HMGA1: variants seen among roughly 807,000 people sequenced by gnomAD.
HMGA1 encodes high mobility group protein HMG-I/HMG-Y.
HMGA1 carries 1 observed loss-of-function variant against 15.1 expected under a neutral mutation model. The observed-to-expected ratio is 0.07, with a 90% CI of 0.02 to 0.31. HMGA1 has a LOEUF of 0.31. Ranked by LOEUF, HMGA1 falls within the 10% of genes least tolerant of loss-of-function variation. HMGA1 has a pLI of 1.00. For missense variants in HMGA1, 94 were observed against 141.4 expected (o/e 0.66, Z 1.70); for synonymous variants, 56 against 54.8 (o/e 1.02, Z -0.10).
At chr6:34,242,233 G>GT (rs1477796075) in intron 3 of HMGA1, among the ~76,000 whole-genome samples, 3 of 152,212 alleles carry the variant, frequency 2.0e-5, no homozygotes, top group Non-Finnish European at 4.4e-5. Context: ...CAGGCAGGGA[G>GT]TGTGTGTCCA....
Position 34,244,865 on chromosome 6 carries a change from C to T in HMGA1, c.305C>T (p.Ser102Phe). The T allele has an allele frequency of 6.4e-7, 1 of 1,566,496 alleles. No individual in the cohort carries two copies. Among genetic ancestry groups the T allele is most frequent in the Non-Finnish European group, 8.7e-7 (1 of 1,155,764 alleles). ...KEEEEGISQE[S>F]SEEEQ ...GAAGAGGAGGGCATCTCGCAGGAGT[C>T]CTCGGAGGAGGAGCAGTGACCCATG... Residue 102 changes from serine (S) to phenylalanine (F), a missense_variant, in exon 6 of 6, where the codon TCC (serine) becomes TTC (phenylalanine). Coordinates refer to ENST00000311487, the MANE Select transcript of HMGA1 (RefSeq NM_145899.3).
intron 2 of HMGA1, among the ~76,000 whole-genome samples, chr6:34,239,676 G>C (rs1400404952): frequency 3.2e-5 from 4 of 123,428 alleles, no homozygotes; most frequent in African/African-American, 5.5e-5. Flanking sequence ...TCCATCTGTA[G>C]CCTGGGGATA....
intron 5 of HMGA1, 74 bp from the exon 6 acceptor site, chr6:34,244,757 G>A (rs559018363): frequency 4.9e-5 from 62 of 1,262,638 alleles, no homozygotes; most frequent in South Asian, 4.5e-4. Flanking sequence ...TGCAGGGAGC[G>A]GGTGGGGCCA....
At chr6:34,241,027 C>A in intron 3 of HMGA1, 112 bp downstream of exon 3, 1 of 1,271,906 alleles carries the variant, frequency 7.9e-7, no homozygotes, top group Non-Finnish European at 1.1e-6. Flanking sequence ...TGATTCTGCG[C>A]AGTAAGCGTG....
In HMGA1 at chr6:34,245,309, G is replaced by T. The variant is rs1200356634; in HGVS notation, c.*425G>T. The stretch of plus-strand genomic sequence containing the variant: ...GGCTTCCCATAGTGGGGCCTGGGAG[G>T]GTTCCCCTGGCCTTAAAAGGGGCCC... On this transcript the variant is annotated 3_prime_UTR_variant, in exon 6 of 6. Coordinates refer to ENST00000311487, the MANE Select transcript of HMGA1 (RefSeq NM_145899.3). 3 of 1,370,112 alleles carry T rather than the reference G, an allele frequency of 2.2e-6. No homozygotes were observed. In the African/African-American group the frequency reaches 4.3e-5, roughly 20 times the overall value. 84.9% of individuals were successfully genotyped at this position (1,370,112 alleles called of 1,614,324 possible). A position where few individuals can be genotyped will look rare whatever the true frequency, so the allele number is the denominator to read the frequency against.
intron 3 of HMGA1, among the ~76,000 whole-genome samples, chr6:34,241,560 C>T (rs917656331): frequency 6.6e-6 from 1 of 152,218 alleles, no homozygotes; most frequent in African/African-American, 2.4e-5. Flanking sequence ...CCTCAGAACC[C>T]TGGTGCTGCT....
chr6:34,245,175 C>T lies in HMGA1; in HGVS notation c.*291C>T, dbSNP rs1361113836. On this transcript the variant is annotated 3_prime_UTR_variant, in exon 6 of 6. Coordinates refer to ENST00000311487, the MANE Select transcript of HMGA1 (RefSeq NM_145899.3). ...CCTCCTGGACAAGGCTAACATCCCA[C>T]TTAGCCGCACCCTGCACCTGCTGCG... 2.2e-5 allele frequency: 32 copies of T among 1,446,468 alleles called. No homozygotes were observed. Among genetic ancestry groups the T allele is most frequent in the Non-Finnish European group, 2.8e-5 (31 of 1,089,804 alleles). The allele number at this position is 1,446,468 out of a possible 1,614,324, so 89.6% of individuals were successfully genotyped here.
At position 34,240,767 on chromosome 6, in the gene HMGA1, T is replaced by A; in HGVS notation, c.-14T>A. 1 of 1,612,134 alleles carries A rather than the reference T, an allele frequency of 6.2e-7. No individual in the cohort carries two copies. Among genetic ancestry groups the A allele is most frequent in the Non-Finnish European group, 8.5e-7 (1 of 1,179,810 alleles). ...CAGCCATCACTCTTCCACCTGCTCC[T>A]TAGAGAAGGGAAGATGAGTGAGTCG... On this transcript the variant is annotated 5_prime_UTR_variant, in exon 3 of 6. Transcript: ENST00000311487.
At chr6:34,240,955 G>C in intron 3 of HMGA1, 40 bp downstream of exon 3, 1 of 1,612,282 alleles carries the variant, frequency 6.2e-7, no homozygotes, top group East Asian at 2.2e-5. Flanking sequence ...TTTACCCTTT[G>C]GGGCTAGGGA....
At chr6:34,244,778 G>C in intron 5 of HMGA1, 53 bp from the exon 6 acceptor site, 1 of 1,475,280 alleles carries the variant, frequency 6.8e-7, no homozygotes, top group Non-Finnish European at 9.3e-7. Context: ...GCCTCTGGGG[G>C]TGGAAGAGGG....
chr6:34,243,625 G>C (rs1427224086), intron 5 of HMGA1, 107 bp downstream of exon 5: 5 of 899,092 alleles, frequency 5.6e-6, no homozygotes, highest in East Asian at 5.2e-5. Context: ...GGCTCTCCTT[G>C]ACCTGCTGGG....
Position 34,237,220 on chromosome 6 carries a change from AGCGGCGGCC to A in HMGA1, c.-134_-126del, listed in dbSNP as rs1166652289. The A allele has an allele frequency of 1.3e-5, 2 of 148,468 alleles. No individual in the cohort carries two copies. The highest frequency in any genetic ancestry group is 2.1e-4 in the South Asian group (1 of 4,760). The allele number at this position is 148,468 out of a possible 1,614,324, so 9.2% of individuals were successfully genotyped here. ...CGGTTTCAGATCCGCATTTGCTACC[AGCGGCGGCC>A]GCGGCGGAGCCAGGCCGGTCCTCAG... On this transcript the variant is annotated 5_prime_UTR_variant, in exon 2 of 6. Transcript: ENST00000311487.
At chr6:34,237,556 CG>C (rs1183509413) in intron 2 of HMGA1, among the ~76,000 whole-genome samples, 2 of 144,524 alleles carry the variant, frequency 1.4e-5, no homozygotes, top group South Asian at 4.2e-4. Context: ...GGGCGCCCTG[CG>C]GGGGGCGGGG....
intron 3 of HMGA1, among the ~76,000 whole-genome samples, chr6:34,241,330 C>T (rs893314861): frequency 9.2e-5 from 14 of 152,246 alleles, no homozygotes; most frequent in African/African-American, 3.1e-4. Flanking sequence ...ATTCAGTGCA[C>T]GTAAAATGAT....
At chr6:34,241,562 G>A (rs1426521176) in intron 3 of HMGA1, among the ~76,000 whole-genome samples, 1 of 152,196 alleles carries the variant, frequency 6.6e-6, no homozygotes, top group Non-Finnish European at 1.5e-5. Context: ...TCAGAACCCT[G>A]GTGCTGCTCT....
In HMGA1 at chr6:34,243,602, C is replaced by T. The variant is rs1443537098; in HGVS notation, c.270+84C>T. On this transcript the variant is annotated intron_variant, in intron 5 of 5. Transcript: ENST00000311487. ...AGTACACAGTACCTGATGCTATGCA[C>T]CCCCTATGGAAAGGCTCTCCTTGAC... The T allele has an allele frequency of 5.4e-6, 6 of 1,113,832 alleles. No individual in the cohort carries two copies. The East Asian group carries it at 1.2e-4, about 23-fold the overall frequency. 69.0% of individuals were successfully genotyped at this position (1,113,832 alleles called of 1,614,324 possible).
rs545745442 is a variant in HMGA1 at position 34,242,696 on chromosome 6, C to T, written c.136-16C>T. 251 of 1,549,342 alleles carry T rather than the reference C, an allele frequency of 1.6e-4. No homozygotes were observed. The African/African-American group carries it at 2.4e-3, about 15-fold the overall frequency. On this transcript the variant is annotated splice_polypyrimidine_tract_variant and intron_variant, in intron 3 of 5. Coordinates refer to ENST00000311487, the MANE Select transcript of HMGA1 (RefSeq NM_145899.3). ...CAGGTGATGACTGTCCCTGACTACC[C>T]CCTCTGTCTTTACAGAAGGAGCCCA... is the stretch of plus-strand genomic sequence containing the variant.
intron 4 of HMGA1, 80 bp downstream of exon 4, chr6:34,242,875 G>A (rs1762412992): frequency 2.2e-5 from 24 of 1,080,908 alleles, no homozygotes; most frequent in Non-Finnish European, 1.4e-6. Context: ...ACGGCTGTGG[G>A]GAGGTCTGGG....
chr6:34,244,638 GTT>G (rs1468195386), intron 5 of HMGA1, among the ~76,000 whole-genome samples, 191 bp from the exon 6 acceptor site: 2 of 152,120 alleles, frequency 1.3e-5, no homozygotes, highest in Non-Finnish European at 2.9e-5. Flanking sequence ...TGTGTGTGGG[GTT>G]TTTTCCTCCT....
Sources: allele counts gnomAD v4.1 joint callset (sites outside exome capture counted in the v4.1 genomes callset), GRCh38; gene constraint gnomAD v4.1.1; transcripts MANE v1.5; gene names NCBI Gene and HGNC (gene_info 2026-07-23, HGNC 2026-07-21).